SEMA3A: variants seen among roughly 807,000 people sequenced by gnomAD.
SEMA3A encodes the protein semaphorin 3A.
Under a neutral mutation model 97.9 loss-of-function variants are expected in SEMA3A, and 29 were observed. That is an observed-to-expected ratio of 0.30 (90% CI 0.22 to 0.40). The LOEUF is 0.40. Ranked by LOEUF, SEMA3A falls within the 10% of genes least tolerant of loss-of-function variation. The pLI is 1.00. For missense variants in SEMA3A, 763 were observed against 951.3 expected, an observed-to-expected ratio of 0.80 and a Z score of 2.60; for synonymous variants, 321 against 323.7, an observed-to-expected ratio of 0.99 and a Z score of 0.09.
At chr7:84,127,297 T>G (rs1012438538) in intron 3 of SEMA3A, among the ~76,000 whole-genome samples, 2 of 152,122 alleles carry the variant, frequency 1.3e-5, no homozygotes, top group East Asian at 3.9e-4. Flanking sequence ...GTCAATATCT[T>G]ATCACCCTGG....
intron 3 of SEMA3A, among the ~76,000 whole-genome samples, chr7:84,230,158 C>T (rs1799086879): frequency 6.6e-6 from 1 of 151,892 alleles, no homozygotes. Context: ...CTTTACTCAA[C>T]TCTTACTTCA....
At chr7:84,086,482 TTATATTTACATATAATATATTATTA>T (rs1562769975) in intron 4 of SEMA3A, among the ~76,000 whole-genome samples, 7 of 139,762 alleles carry the variant, frequency 5.0e-5, no homozygotes, top group East Asian at 4.2e-4. Flanking sequence ...TATTATTATA[TTATATTTACATATAATATATTATTA>T]TATTATATTT....
At chr7:84,471,238 ATGT>A (rs1806137974) in intron 1 of SEMA3A, among the ~76,000 whole-genome samples, 1 of 150,516 alleles carries the variant, frequency 6.6e-6, no homozygotes, top group Non-Finnish European at 1.5e-5. Context: ...GATATAAACT[ATGT>A]TGTTGGTTCC....
At chr7:84,011,327 C>T in intron 7 of SEMA3A, 30 bp from the exon 8 acceptor site, 1 of 1,315,782 alleles carries the variant, frequency 7.6e-7, no homozygotes. Context: ...GTGTTAGGCA[C>T]TGTTAATGAA....
At chr7:84,401,803 C>G (rs1803911904) in intron 1 of SEMA3A, among the ~76,000 whole-genome samples, 1 of 152,016 alleles carries the variant, frequency 6.6e-6, no homozygotes, top group Non-Finnish European at 1.5e-5. Flanking sequence ...ACTGGATATC[C>G]ATATGCAGAC....
intron 5 of SEMA3A, among the ~76,000 whole-genome samples, chr7:84,052,118 T>G (rs573148314): frequency 1.3e-5 from 2 of 152,238 alleles, no homozygotes; most frequent in East Asian, 3.9e-4. Flanking sequence ...TTTGCCAGTA[T>G]TTTATTGAGG....
At chr7:84,066,335 G>A (rs1793495244) in intron 4 of SEMA3A, among the ~76,000 whole-genome samples, 1 of 151,812 alleles carries the variant, frequency 6.6e-6, no homozygotes, top group South Asian at 2.1e-4. Flanking sequence ...GCAAAACCTG[G>A]AAGCATTCCC....
At chr7:84,421,889 G>A (rs1052143231) in intron 1 of SEMA3A, among the ~76,000 whole-genome samples, 4 of 151,866 alleles carry the variant, frequency 2.6e-5, no homozygotes, top group African/African-American at 9.7e-5. Context: ...GGTGGATAAG[G>A]TTTTTGATGT....
rs566329457 is a variant in SEMA3A at position 84,419,384 on chromosome 7, T to C, written c.-245-47484A>G. On this transcript the variant is annotated intron_variant, in intron 1 of 3. Transcript: ENST00000424555. ...CAGCTATGTATTGTTATTATCTCCATTGTATACATAAGGGACAGGAAGGCT... is the reference window on the plus strand; with the variant it reads ...CAGCTATGTATTGTTATTATCTCCACTGTATACATAAGGGACAGGAAGGCT... Among the ~76,000 whole-genome samples, 5 of 152,198 alleles carry C rather than the reference T, an allele frequency of 3.3e-5. No homozygotes were observed. The East Asian group carries it at 9.7e-4, about 29-fold the overall frequency.
At chr7:84,167,183 C>T (rs1218602078) in intron 1 of SEMA3A, among the ~76,000 whole-genome samples, 1 of 151,668 alleles carries the variant, frequency 6.6e-6, no homozygotes, top group Non-Finnish European at 1.5e-5. Flanking sequence ...GGATTGAACC[C>T]TAGAAAGGTC....
chr7:84,260,616 G>A (rs371353413), intron 3 of SEMA3A, among the ~76,000 whole-genome samples: 2 of 152,178 alleles, frequency 1.3e-5, no homozygotes, highest in East Asian at 3.9e-4. Flanking sequence ...CCCAGGTGCT[G>A]TTGCAACACA....
At chr7:84,218,536 C>G (rs1453478581) in intron 3 of SEMA3A, among the ~76,000 whole-genome samples, 1 of 152,068 alleles carries the variant, frequency 6.6e-6, no homozygotes, top group Admixed American at 6.6e-5. Context: ...AAACATCAAA[C>G]TGAATATCAA....
At chr7:83,997,254 C>G (rs954823860) in intron 12 of SEMA3A, among the ~76,000 whole-genome samples, 1 of 152,118 alleles carries the variant, frequency 6.6e-6, no homozygotes, top group African/African-American at 2.4e-5. Flanking sequence ...TTCTATTTAC[C>G]TTGTCAAACT....
chr7:84,306,208 T>C (rs988884506), intron 3 of SEMA3A, among the ~76,000 whole-genome samples: 51 of 151,986 alleles, frequency 3.4e-4, no homozygotes, highest in African/African-American at 1.1e-3. Context: ...CATGTAGCAT[T>C]ATATATTTTT....
intron 3 of SEMA3A, among the ~76,000 whole-genome samples, chr7:84,203,500 G>GTATATATA (rs1554345503): frequency 4.0e-5 from 3 of 74,654 alleles, no homozygotes; most frequent in African/African-American, 1.1e-4. Flanking sequence ...CTTTGTGTGT[G>GTATATATA]TGTATATATA....
At chr7:83,964,488 G>T (rs559853234) in intron 15 of SEMA3A, among the ~76,000 whole-genome samples, 324 of 152,140 alleles carry the variant, frequency 2.1e-3, no homozygotes, top group Admixed American at 4.0e-3. Context: ...CTGATGATTT[G>T]CTCTCACTAG....
intron 2 of SEMA3A, among the ~76,000 whole-genome samples, chr7:84,350,812 T>C (rs1449004273): frequency 6.6e-6 from 1 of 152,282 alleles, no homozygotes; most frequent in Non-Finnish European, 1.5e-5. Context: ...TATTTCTCAA[T>C]TGTCTTTATC....
intron 3 of SEMA3A, among the ~76,000 whole-genome samples, chr7:84,240,892 G>T (rs1216613174): frequency 6.6e-6 from 1 of 152,170 alleles, no homozygotes; most frequent in Non-Finnish European, 1.5e-5. Flanking sequence ...TGCTGAGAAT[G>T]ATGGTTTCCA....
chr7:84,403,204 T>C (rs1584294987), intron 1 of SEMA3A, among the ~76,000 whole-genome samples: 1 of 152,138 alleles, frequency 6.6e-6, no homozygotes, highest in Non-Finnish European at 1.5e-5. Flanking sequence ...ACCCTAATAC[T>C]GCGCTTTTCC....
Sources: gnomAD v4.1 joint callset for allele counts (sites outside exome capture counted in the v4.1 genomes callset) on GRCh38, gnomAD v4.1.1 for gene constraint, MANE v1.5 for transcripts, NCBI Gene and HGNC (gene_info 2026-07-23, HGNC 2026-07-21) for gene names.